Variants in CHN2 observed in about 807,000 individuals in gnomAD.
CHN2 encodes beta-chimaerin.
CHN2 carries 35 observed loss-of-function variants against 56.3 expected under a neutral mutation model. The observed-to-expected ratio is 0.62, with a 90% CI of 0.47 to 0.82. The LOEUF (loss-of-function observed/expected upper bound fraction) is 0.82, where lower values mean the gene tolerates loss of function less well. Ranked by LOEUF, CHN2 falls within the 40% of genes least tolerant of loss-of-function variation. The pLI, the probability that CHN2 is intolerant of heterozygous loss-of-function variation, is 0.00. For missense variants in CHN2, 491 were observed against 580.5 expected (o/e 0.85, Z 1.58); for synonymous variants, 210 against 212.8 (o/e 0.99, Z 0.12).
chr7:29,350,247 A>G (rs1302967387), intron 1 of CHN2, among the ~76,000 whole-genome samples: 7 of 152,042 alleles, frequency 4.6e-5, no homozygotes, highest in Non-Finnish European at 7.4e-5. Flanking sequence ...CATTTTCCTC[A>G]TTTGCCAAAT....
At chr7:29,337,908 G>A (rs538817122) in intron 1 of CHN2, among the ~76,000 whole-genome samples, 2 of 152,080 alleles carry the variant, frequency 1.3e-5, no homozygotes, top group Admixed American at 6.6e-5. Flanking sequence ...TATTTTTAAA[G>A]CAAGTGATAA....
chr7:29,152,615 C>T (rs985796073), intron 2 of CHN2, among the ~76,000 whole-genome samples: 8 of 152,098 alleles, frequency 5.3e-5, no homozygotes, highest in African/African-American at 1.9e-4. Context: ...TCCCATCCAC[C>T]CCACCCAGAG....
chr7:29,210,170 C>G (rs1584742471), intron 1 of CHN2, among the ~76,000 whole-genome samples: 1 of 152,146 alleles, frequency 6.6e-6, no homozygotes, highest in East Asian at 1.9e-4. Context: ...GGGAACAACC[C>G]TCTTGTGTGT....
intron 6 of CHN2, among the ~76,000 whole-genome samples, chr7:29,435,777 A>G (rs1783171354): frequency 6.6e-6 from 1 of 152,210 alleles, no homozygotes; most frequent in Admixed American, 6.5e-5. Context: ...CTAGGAATTC[A>G]GAAAAAGCAC....
intron 4 of CHN2, among the ~76,000 whole-genome samples, chr7:29,394,414 G>A (rs1004548864): frequency 1.1e-4 from 16 of 152,194 alleles, no homozygotes; most frequent in African/African-American, 2.7e-4. Flanking sequence ...ACCTGGAGGC[G>A]TTGTGAGGCA....
intron 1 of CHN2, among the ~76,000 whole-genome samples, chr7:29,266,352 A>T (rs1284695130): frequency 6.6e-6 from 1 of 152,238 alleles, no homozygotes; most frequent in East Asian, 1.9e-4. Flanking sequence ...GACGTGAAAC[A>T]GGAGATGGTA....
chr7:29,320,366 G>C lies in CHN2; in HGVS notation c.50-34259G>C, dbSNP rs12700953. On this transcript the variant is annotated intron_variant, in intron 1 of 12. Coordinates refer to ENST00000222792, the MANE Select transcript of CHN2 (RefSeq NM_004067.4). Reference sequence around the variant, plus strand: ...TCACCCCCTCGCCCCCTGCAGGGGGGTGCTAATCAGGTTGACAGAGCCCTG... The same window carrying C: ...TCACCCCCTCGCCCCCTGCAGGGGGCTGCTAATCAGGTTGACAGAGCCCTG... Among the ~76,000 whole-genome samples, 18 of 152,052 alleles carry C rather than the reference G, an allele frequency of 1.2e-4. 1 individual carries two copies. Among genetic ancestry groups the C allele is most frequent in the Admixed American group, 9.8e-4 (15 of 15,296 alleles).
intron 3 of CHN2, among the ~76,000 whole-genome samples, chr7:29,369,564 C>CTTATGTATGTATGTA (rs1157521177): frequency 6.6e-6 from 1 of 152,018 alleles, no homozygotes; most frequent in Admixed American, 6.6e-5. Context: ...GATTTTGTCC[C>CTTATGTATGTATGTA]TGTATATGTA....
chr7:29,367,937 C>T lies in CHN2; in HGVS notation c.94C>T (p.Gln32Ter). The T allele has an allele frequency of 6.2e-7, 1 of 1,610,026 alleles. No homozygotes were observed. The highest frequency in any genetic ancestry group is 1.1e-5 in the South Asian group (1 of 90,388). ...CTCTCTCTCTTTTTTGGCAGTATAT[C>T]AGTTACAGCAAGAGGCACCTCGTCC... ...QPPIWKSYLY[Q>*]LQQEAPRPKR... The change falls in exon 3 of 13, where the codon CAG becomes TAG. Residue 32 changes from glutamine (Q) to a stop codon, truncating the protein, a stop_gained. Coordinates refer to ENST00000222792, the MANE Select transcript of CHN2 (RefSeq NM_004067.4). LOFTEE classifies it high-confidence loss of function.
At chr7:29,312,605 G>A (rs981512136) in intron 1 of CHN2, among the ~76,000 whole-genome samples, 3 of 152,106 alleles carry the variant, frequency 2.0e-5, no homozygotes, top group African/African-American at 7.2e-5. Context: ...TAGTCTAAGT[G>A]ACCTAAATAA....
At chr7:29,481,847 A>G (rs1787286563) in intron 7 of CHN2, among the ~76,000 whole-genome samples, 1 of 152,138 alleles carries the variant, frequency 6.6e-6, no homozygotes, top group South Asian at 2.1e-4. Context: ...GAAAATTCCA[A>G]TTCATTTGGC....
rs115622822 is a variant in CHN2, at chr7:29,423,917, C to T, written c.576+23089C>T. Among the ~76,000 whole-genome samples the T allele has an allele frequency of 6.2e-3, 949 of 152,262 alleles. 15 individuals carry two copies. The highest frequency in any genetic ancestry group is 0.022 in the African/African-American group (913 of 41,554). ...GGCTCAAATGCCAGGTCTTACCTGG[C>T]GGCTACCTCTCAGTGCCACGTCCTT... On this transcript the variant is annotated intron_variant, in intron 6 of 12. Transcript: ENST00000222792.
At chr7:29,180,836 T>C (rs1169352775) in intron 2 of CHN2, among the ~76,000 whole-genome samples, 1 of 152,220 alleles carries the variant, frequency 6.6e-6, no homozygotes, top group Non-Finnish European at 1.5e-5. Context: ...ATCATCCGTA[T>C]ACCTCTTGGA....
At chr7:29,429,138 A>G (rs1331858629) in intron 6 of CHN2, among the ~76,000 whole-genome samples, 2 of 152,190 alleles carry the variant, frequency 1.3e-5, no homozygotes, top group Non-Finnish European at 2.9e-5. Flanking sequence ...CTCTTGCCCT[A>G]TGCATATCAC....
intron 6 of CHN2, among the ~76,000 whole-genome samples, chr7:29,437,521 C>T (rs1783323136): frequency 1.1e-5 from 1 of 88,514 alleles, no homozygotes; most frequent in African/African-American, 6.6e-5. Context: ...TGGCATGAAC[C>T]TGGGAGGCGG....
Position 29,504,792 on chromosome 7 carries a change from T to C in CHN2, c.962T>C (p.Ile321Thr), listed in dbSNP as rs188079785. 2 of 1,613,408 alleles carry C rather than the reference T, an allele frequency of 1.2e-6. No homozygotes were observed. Among genetic ancestry groups the C allele is most frequent in the African/African-American group, 1.3e-5 (1 of 74,966 alleles). Residue 321 changes from isoleucine (I) to threonine (T), a missense_variant, in exon 10 of 13, where the codon ATT becomes ACT. Ile to Thr is a moderately conservative substitution (Grantham distance 89). Coordinates refer to ENST00000222792, the MANE Select transcript of CHN2 (RefSeq NM_004067.4). Reference protein sequence around the residue: ...LYRVSGFTEHIEDVKMAFDRD... With the variant: ...LYRVSGFTEHTEDVKMAFDRD... ...AGAGTCTCTGGGTTCACTGAACACA[T>C]TGAAGATGTCAAAATGGCATTTGAC...
At chr7:29,236,542 T>G (rs1031047491) in intron 1 of CHN2, among the ~76,000 whole-genome samples, 2 of 152,230 alleles carry the variant, frequency 1.3e-5, no homozygotes, top group African/African-American at 4.8e-5. Context: ...ATCTTCTCCC[T>G]TAGCCTGGAC....
At chr7:29,444,676 C>T (rs1783908332) in intron 6 of CHN2, among the ~76,000 whole-genome samples, 1 of 152,220 alleles carries the variant, frequency 6.6e-6, no homozygotes, top group South Asian at 2.1e-4. Context: ...ATGCCAATCA[C>T]AGGACTGGTC....
chr7:29,366,737 G>A (rs1799194259), intron 2 of CHN2, among the ~76,000 whole-genome samples: 1 of 152,122 alleles, frequency 6.6e-6, no homozygotes, highest in Non-Finnish European at 1.5e-5. Context: ...TAGAAATGTG[G>A]TACATTTCAA....
Sources: gnomAD v4.1 joint callset for allele counts (sites outside exome capture counted in the v4.1 genomes callset) on GRCh38, gnomAD v4.1.1 for gene constraint, MANE v1.5 for transcripts, NCBI Gene and HGNC (gene_info 2026-07-23, HGNC 2026-07-21) for gene names.